The following HSDL2 variants were observed in gnomAD, a reference collection of about 807,000 sequenced individuals.
HSDL2 encodes the protein hydroxysteroid dehydrogenase-like protein 2.
HSDL2 carries 27 observed loss-of-function variants against 46.3 expected under a neutral mutation model. The ratio of observed to expected loss-of-function variants is 0.58; its 90% CI spans 0.43 to 0.80. HSDL2 has a LOEUF of 0.80. Among genes scored for constraint, HSDL2 ranks in the 30% least tolerant of loss-of-function variants. The pLI, the probability that HSDL2 is intolerant of heterozygous loss-of-function variation, is 0.00. For missense variants in HSDL2, 451 were observed against 502.7 expected (o/e 0.90, Z 0.98); for synonymous variants, 153 against 163.6 (o/e 0.94, Z 0.50).
intron 1 of HSDL2, among the ~76,000 whole-genome samples, chr9:112,389,004 A>G (rs575589537): frequency 6.6e-6 from 1 of 152,064 alleles, no homozygotes; most frequent in Non-Finnish European, 1.5e-5. Flanking sequence ...ATGAGAGACC[A>G]AGCTTTGATG....
chr9:112,433,379 AGT>A (rs1448758301), intron 6 of HSDL2, among the ~76,000 whole-genome samples: 2 of 152,050 alleles, frequency 1.3e-5, no homozygotes, highest in Non-Finnish European at 2.9e-5. Flanking sequence ...TGAGTTTGAG[AGT>A]GTGGGGAAGA....
intron 1 of HSDL2, among the ~76,000 whole-genome samples, chr9:112,381,056 G>C (rs1831078552): frequency 6.9e-6 from 1 of 145,830 alleles, no homozygotes; most frequent in South Asian, 2.2e-4. Context: ...TCTATTTCGT[G>C]CATGTATGAA....
intron 6 of HSDL2, among the ~76,000 whole-genome samples, chr9:112,426,046 T>C (rs1484270772): frequency 2.0e-5 from 3 of 152,140 alleles, no homozygotes; most frequent in Non-Finnish European, 4.4e-5. Flanking sequence ...CTGCTAGAAG[T>C]AATTTTGATA....
intron 8 of HSDL2, among the ~76,000 whole-genome samples, chr9:112,442,775 G>A (rs761893174): frequency 1.3e-5 from 2 of 151,890 alleles, no homozygotes; most frequent in Non-Finnish European, 2.9e-5. Flanking sequence ...GATAGAAAAT[G>A]TAGGGATGAA....
chr9:112,381,054 G>T (rs1049768007), intron 1 of HSDL2, among the ~76,000 whole-genome samples: 6 of 146,066 alleles, frequency 4.1e-5, no homozygotes, highest in African/African-American at 1.5e-4. Context: ...TTTCTATTTC[G>T]TGCATGTATG....
chr9:112,404,136 A>G lies in HSDL2; in HGVS notation c.159A>G (p.Thr53=), dbSNP rs750315550. Residue 53 remains threonine, a synonymous_variant, in exon 2 of 11, where the codon ACA becomes ACG. Transcript: ENST00000398805. ...AGCCACATCCAAAACTTCTAGGCACAATCTATACTGCTGCTGAAGAAAGTG... is the reference window on the plus strand; with the variant it reads ...AGCCACATCCAAAACTTCTAGGCACGATCTATACTGCTGCTGAAGAAAGTG... The part of the protein sequence containing the change: ...TAQPHPKLLG[T]IYTAAEEIEA... 1.9e-6 allele frequency: 3 copies of G among 1,614,000 alleles called. No homozygotes were observed. The highest frequency in any genetic ancestry group is 1.1e-5 in the South Asian group (1 of 91,072).
intron 4 of HSDL2, among the ~76,000 whole-genome samples, chr9:112,413,495 GA>G (rs113720372): frequency 0.35 from 41,575 of 119,740 alleles, 5,896 homozygotes; most frequent in South Asian, 0.47. Flanking sequence ...CAAAAAAAAA[GA>G]AAAAAAAGAA....
rs368606747 is a variant in HSDL2 at position 112,441,712 on chromosome 9, A to G, written c.807A>G (p.Gln269=). 1.1e-5 allele frequency: 18 copies of G among 1,612,810 alleles called. 1 individual carries two copies. In the South Asian group the frequency reaches 1.4e-4, roughly 13 times the overall value. Residue 269 remains glutamine, a synonymous_variant, in exon 8 of 11, where the codon CAA becomes CAG. Coordinates refer to ENST00000398805, the MANE Select transcript of HSDL2 (RefSeq NM_032303.5). ...VYAIKPGHPL[Q]PDFFLDEYPE... ...TCAATTTTTCAGGTCATCCTTTGCA[A>G]CCAGATTTCTTCTTAGATGAATACC... is the stretch of plus-strand genomic sequence containing the variant.
intron 5 of HSDL2, among the ~76,000 whole-genome samples, chr9:112,418,491 G>A (rs1167850323): frequency 6.6e-6 from 1 of 151,270 alleles, no homozygotes; most frequent in Non-Finnish European, 1.5e-5. Context: ...GCTGAGGTGG[G>A]AGGGTTGCTT....
intron 4 of HSDL2, among the ~76,000 whole-genome samples, chr9:112,415,272 G>A (rs748917361): frequency 2.0e-4 from 31 of 152,138 alleles, no homozygotes; most frequent in Non-Finnish European, 3.1e-4. Context: ...TGTAGTAGAA[G>A]TACTATGCCT....
chr9:112,468,378 C>T (rs933290377), intron 10 of HSDL2, among the ~76,000 whole-genome samples: 3 of 152,198 alleles, frequency 2.0e-5, no homozygotes, highest in Non-Finnish European at 4.4e-5. Context: ...TCTCCTATTA[C>T]ACATATATTT....
chr9:112,436,709 T>C (rs1832531710), intron 6 of HSDL2, among the ~76,000 whole-genome samples: 1 of 152,060 alleles, frequency 6.6e-6, no homozygotes, highest in African/African-American at 2.4e-5. Flanking sequence ...AATAAATAAA[T>C]AGACTTTTCT....
At chr9:112,387,945 G>A (rs559363963) in intron 1 of HSDL2, among the ~76,000 whole-genome samples, 1 of 152,048 alleles carries the variant, frequency 6.6e-6, no homozygotes, top group Admixed American at 6.6e-5. Context: ...AATCGCTTGA[G>A]CCCAAGCATT....
intron 10 of HSDL2, among the ~76,000 whole-genome samples, chr9:112,468,466 C>G (rs1346882781): frequency 2.0e-5 from 3 of 152,120 alleles, no homozygotes; most frequent in Non-Finnish European, 4.4e-5. Context: ...ATTTTGTTGA[C>G]TAAAATTTTA....
chr9:112,441,215 C>A (rs1459272867), intron 7 of HSDL2, among the ~76,000 whole-genome samples: 1 of 151,668 alleles, frequency 6.6e-6, no homozygotes, highest in Non-Finnish European at 1.5e-5. Context: ...ATAATAATAA[C>A]CCAGTGGAAT....
At chr9:112,400,998 C>A (rs768061675) in intron 1 of HSDL2, among the ~76,000 whole-genome samples, 1 of 152,142 alleles carries the variant, frequency 6.6e-6, no homozygotes, top group Non-Finnish European at 1.5e-5. Flanking sequence ...CTTCCACATG[C>A]TTTTTGGGGG....
At chr9:112,406,669 C>T (rs556761432) in intron 3 of HSDL2, among the ~76,000 whole-genome samples, 21 of 152,252 alleles carry the variant, frequency 1.4e-4, no homozygotes, top group African/African-American at 5.1e-4. Flanking sequence ...CAGGTTTCGC[C>T]ACATTGGCCA....
chr9:112,397,538 A>G (rs902558434), intron 1 of HSDL2, among the ~76,000 whole-genome samples: 2 of 152,204 alleles, frequency 1.3e-5, no homozygotes, highest in African/African-American at 4.8e-5. Flanking sequence ...CACGTAATTT[A>G]TCCCAAGTTC....
chr9:112,394,023 C>T (rs1429596517), intron 1 of HSDL2, among the ~76,000 whole-genome samples: 1 of 152,028 alleles, frequency 6.6e-6, no homozygotes, highest in Non-Finnish European at 1.5e-5. Context: ...TCTGAGGTGC[C>T]CAGGGATGCC....
Sources: allele counts gnomAD v4.1 joint callset (sites outside exome capture counted in the v4.1 genomes callset), GRCh38; gene constraint gnomAD v4.1.1; transcripts MANE v1.5; gene names NCBI Gene and HGNC (gene_info 2026-07-23, HGNC 2026-07-21).